Variants in PPFIA2 observed in about 807,000 individuals in gnomAD.
PPFIA2 encodes PPFI scaffold protein A2, also known as liprin-alpha-2.
PPFIA2 carries 46 observed loss-of-function variants against 175.5 expected under a neutral mutation model. The ratio of observed to expected loss-of-function variants is 0.26; its 90% CI spans 0.21 to 0.34. PPFIA2 has a LOEUF of 0.34. Ranked by LOEUF, PPFIA2 falls within the 10% of genes least tolerant of loss-of-function variation. The pLI, the probability that PPFIA2 is intolerant of heterozygous loss-of-function variation, is 1.00. For missense variants in PPFIA2, 1,179 were observed against 1,506.1 expected (o/e 0.78, Z 3.60); for synonymous variants, 568 against 511.4 (o/e 1.11, Z -1.49).
intron 4 of PPFIA2, among the ~76,000 whole-genome samples, chr12:81,478,667 A>G (rs541651050): frequency 6.6e-6 from 1 of 152,090 alleles, no homozygotes; most frequent in East Asian, 1.9e-4. Flanking sequence ...CCTTAATTTC[A>G]TTATTTACCT....
At chr12:81,661,864 G>T (rs2068948086) in intron 4 of PPFIA2, among the ~76,000 whole-genome samples, 1 of 152,112 alleles carries the variant, frequency 6.6e-6, no homozygotes, top group Non-Finnish European at 1.5e-5. Flanking sequence ...AGACCACAGT[G>T]CAATCAAACT....
chr12:81,614,070 T>A (rs2061200806), intron 4 of PPFIA2, among the ~76,000 whole-genome samples: 1 of 152,130 alleles, frequency 6.6e-6, no homozygotes, highest in African/African-American at 2.4e-5. Flanking sequence ...GAATTCGTAC[T>A]GTCTAGTAGG....
intron 6 of PPFIA2, among the ~76,000 whole-genome samples, chr12:81,440,543 C>T (rs1011909674): frequency 7.2e-5 from 11 of 151,926 alleles, no homozygotes; most frequent in African/African-American, 1.7e-4. Flanking sequence ...AAATGTTCTT[C>T]GCTTCTCTGT....
At chr12:81,609,418 T>C (rs1450311561) in intron 4 of PPFIA2, among the ~76,000 whole-genome samples, 1 of 152,150 alleles carries the variant, frequency 6.6e-6, no homozygotes, top group East Asian at 1.9e-4. Flanking sequence ...AGTCTTCTCA[T>C]AGGCCAAGAA....
At chr12:81,457,283 CTT>C (rs566866017) in intron 5 of PPFIA2, among the ~76,000 whole-genome samples, 2 of 141,292 alleles carry the variant, frequency 1.4e-5, no homozygotes, top group Non-Finnish European at 1.6e-5. Flanking sequence ...CGCGTCCGGC[CTT>C]TTTTTTTTTT....
intron 1 of PPFIA2, 94 bp from the exon 2 acceptor site, chr12:81,758,601 C>T (rs754498868): frequency 8.4e-6 from 3 of 356,624 alleles, no homozygotes; most frequent in Non-Finnish European, 1.7e-5. Context: ...AGGAGCTCGG[C>T]ATCTTCCCGT....
At chr12:81,670,163 T>C (rs573248105) in intron 4 of PPFIA2, among the ~76,000 whole-genome samples, 27 of 152,078 alleles carry the variant, frequency 1.8e-4, no homozygotes, top group African/African-American at 6.5e-4. Context: ...TTTAAATTCC[T>C]ATCAGATATA....
At chr12:81,324,156 T>C (rs563251835) in intron 22 of PPFIA2, among the ~76,000 whole-genome samples, 1 of 152,178 alleles carries the variant, frequency 6.6e-6, no homozygotes, top group African/African-American at 2.4e-5. Flanking sequence ...GAAGAATTAG[T>C]ATTTTTTTCT....
intron 22 of PPFIA2, among the ~76,000 whole-genome samples, chr12:81,315,732 C>A (rs1180953453): frequency 3.3e-5 from 5 of 151,494 alleles, no homozygotes; most frequent in Admixed American, 2.6e-4. Context: ...ATGTGGATAT[C>A]AGAGCATACG....
At chr12:81,448,905 T>C (rs904941910) in intron 5 of PPFIA2, among the ~76,000 whole-genome samples, 1 of 152,186 alleles carries the variant, frequency 6.6e-6, no homozygotes, top group African/African-American at 2.4e-5. Context: ...TTTTGGATAG[T>C]TTGTCATATC....
chr12:81,710,166 A>G (rs1423706475), intron 3 of PPFIA2, among the ~76,000 whole-genome samples: 1 of 151,972 alleles, frequency 6.6e-6, no homozygotes, highest in African/African-American at 2.4e-5. Flanking sequence ...CAATATTTAT[A>G]TGTATTTTAT....
intron 4 of PPFIA2, among the ~76,000 whole-genome samples, chr12:81,490,409 C>T (rs1355952366): frequency 6.6e-6 from 1 of 151,834 alleles, no homozygotes; most frequent in African/African-American, 2.4e-5. Flanking sequence ...TCATGTTTCT[C>T]CTTGGTAGTG....
chr12:81,437,836 C>T (rs955410576), intron 7 of PPFIA2, among the ~76,000 whole-genome samples: 1 of 151,928 alleles, frequency 6.6e-6, no homozygotes, highest in South Asian at 2.1e-4. Context: ...ATTTATCAAC[C>T]CCATCTCTTT....
rs559153768 is a variant in PPFIA2 at position 81,676,821 on chromosome 12, C to T, written c.273G>A (p.Gly91=). 235 of 1,563,244 alleles carry T rather than the reference C, an allele frequency of 1.5e-4. 1 individual carries two copies. Among genetic ancestry groups the T allele is most frequent in the Non-Finnish European group, 2.0e-4 (228 of 1,155,574 alleles). The change falls in exon 4 of 33, where the codon GGG becomes GGA. Residue 91 remains glycine (G), a synonymous_variant. Coordinates refer to ENST00000549396, the MANE Select transcript of PPFIA2 (RefSeq NM_003625.5). ...GATCAGCCCCCTTAGAACCAGCCAG[C>T]CCTCCTGTTAGGGATTCGATATCCT... is the stretch of plus-strand genomic sequence containing the variant. ...LPQDIESLTG[G]LAGSKGADPP... is the part of the protein sequence containing the mutation.
At chr12:81,366,507 T>C (rs934485330) in intron 14 of PPFIA2, among the ~76,000 whole-genome samples, 3 of 151,666 alleles carry the variant, frequency 2.0e-5, no homozygotes, top group African/African-American at 7.3e-5. Context: ...TCCTGAAGTC[T>C]TCTTCACAGC....
intron 3 of PPFIA2, among the ~76,000 whole-genome samples, chr12:81,726,969 TA>T (rs2080168969): frequency 1.3e-5 from 2 of 151,414 alleles, no homozygotes; most frequent in Admixed American, 6.6e-5. Flanking sequence ...GGTCTTAGAA[TA>T]AAGAAGACAT....
intron 4 of PPFIA2, among the ~76,000 whole-genome samples, chr12:81,640,264 T>C (rs1297313018): frequency 6.6e-6 from 1 of 152,040 alleles, no homozygotes; most frequent in Non-Finnish European, 1.5e-5. Flanking sequence ...TACATTGCAA[T>C]GTGATAATCA....
intron 8 of PPFIA2, among the ~76,000 whole-genome samples, chr12:81,404,134 T>C (rs1227082445): frequency 1.3e-5 from 2 of 152,046 alleles, no homozygotes; most frequent in East Asian, 1.9e-4. Flanking sequence ...AAAAAATATA[T>C]ATGTATGAGC....
intron 4 of PPFIA2, among the ~76,000 whole-genome samples, chr12:81,646,986 A>G (rs1045617440): frequency 3.9e-5 from 6 of 152,020 alleles, no homozygotes; most frequent in African/African-American, 1.4e-4. Flanking sequence ...GAAACATAGA[A>G]ATTCAGGATG....
Sources: gnomAD v4.1 joint callset for allele counts (sites outside exome capture counted in the v4.1 genomes callset) on GRCh38, gnomAD v4.1.1 for gene constraint, MANE v1.5 for transcripts, NCBI Gene and HGNC (gene_info 2026-07-23, HGNC 2026-07-21) for gene names.